Variants in STX12 observed in about 807,000 individuals in gnomAD.
The protein encoded by STX12 is syntaxin-12.
Under a neutral mutation model 42.2 loss-of-function variants are expected in STX12, and 17 were observed. That is an observed-to-expected ratio of 0.40 (90% CI 0.28 to 0.60). The LOEUF is 0.60. STX12 is among the 20% of genes least tolerant of loss of function. The pLI, the probability that STX12 is intolerant of heterozygous loss-of-function variation, is 0.39. For synonymous variants in STX12, 108 were observed against 116.7 expected (o/e 0.93, Z 0.48); for missense variants, 297 against 330.9 (o/e 0.90, Z 0.79).
At chr1:27,788,885 G>A (rs1329169862) in intron 1 of STX12, among the ~76,000 whole-genome samples, 9 of 152,030 alleles carry the variant, frequency 5.9e-5, no homozygotes, top group African/African-American at 1.9e-4. Context: ...GGTGGCAGGC[G>A]CCTGTAGTCC....
At chr1:27,791,597 C>T (rs376327445) in intron 2 of STX12, among the ~76,000 whole-genome samples, 11 of 152,244 alleles carry the variant, frequency 7.2e-5, no homozygotes, top group East Asian at 3.9e-4. Flanking sequence ...GGGTGGGTCA[C>T]GAGGTCAGGA....
chr1:27,809,071 C>T (rs902313161), intron 4 of STX12, among the ~76,000 whole-genome samples: 1 of 152,180 alleles, frequency 6.6e-6, no homozygotes, highest in Non-Finnish European at 1.5e-5. Flanking sequence ...CGCTGTGGCT[C>T]ACGCCTGTAA....
rs774011676 is a variant in STX12, at chr1:27,819,740, C to T, written c.732+8C>T. On this transcript the variant is annotated splice_region_variant and intron_variant, in intron 8 of 8. Coordinates refer to ENST00000373943, the MANE Select transcript of STX12 (RefSeq NM_177424.3). ...CGAGCTGCTTACTATCAGGTAAAAG[C>T]GGGTACCAAAGAAAGTCACTCTGTG... The T allele has an allele frequency of 5.0e-6, 8 of 1,612,352 alleles. No homozygotes were observed. Among genetic ancestry groups the T allele is most frequent in the African/African-American group, 1.3e-5 (1 of 74,976 alleles).
At chr1:27,778,308 C>T (rs2088641347) in intron 1 of STX12, among the ~76,000 whole-genome samples, 1 of 152,148 alleles carries the variant, frequency 6.6e-6, no homozygotes, top group East Asian at 1.9e-4. Flanking sequence ...ATTTGACTTA[C>T]TGTGGAACAA....
At chr1:27,804,076 A>G (rs576566805) in intron 4 of STX12, among the ~76,000 whole-genome samples, 1 of 152,314 alleles carries the variant, frequency 6.6e-6, no homozygotes, top group Non-Finnish European at 1.5e-5. Context: ...ACAACTCAAT[A>G]GAACAAAAGT....
intron 1 of STX12, among the ~76,000 whole-genome samples, chr1:27,780,916 G>A (rs937426810): frequency 5.9e-5 from 9 of 151,634 alleles, no homozygotes; most frequent in South Asian, 2.1e-4. Flanking sequence ...CCGAGATCAC[G>A]TCACTGCACT....
chr1:27,792,526 C>CT (rs202083899), intron 2 of STX12, among the ~76,000 whole-genome samples: 1 of 151,304 alleles, frequency 6.6e-6, no homozygotes, highest in African/African-American at 2.4e-5. Flanking sequence ...CTTTTGACTC[C>CT]TTTTTTTTAA....
intron 4 of STX12, among the ~76,000 whole-genome samples, chr1:27,809,543 C>T (rs2088889075): frequency 6.7e-6 from 1 of 150,122 alleles, no homozygotes; most frequent in Non-Finnish European, 1.5e-5. Flanking sequence ...TTACTGCAGC[C>T]TCCGCCTCCC....
At chr1:27,786,639 A>G (rs1053706212) in intron 1 of STX12, among the ~76,000 whole-genome samples, 1 of 152,182 alleles carries the variant, frequency 6.6e-6, no homozygotes, top group African/African-American at 2.4e-5. Context: ...AGTGTAGAGT[A>G]GATACTCTAC....
Position 27,812,228 on chromosome 1 carries a change from A to T in STX12, c.536A>T (p.Glu179Val). The T allele has an allele frequency of 6.4e-7, 1 of 1,560,624 alleles. No homozygotes were observed. The highest frequency in any genetic ancestry group is 8.7e-7 in the Non-Finnish European group (1 of 1,151,532). ...GTGGCCATCACTGAGCAGGATTTGGAACTTATTAAAGAAAGAGAAACGGCA... is the reference window on the plus strand; with the variant it reads ...GTGGCCATCACTGAGCAGGATTTGGTACTTATTAAAGAAAGAGAAACGGCA... ...DEVAITEQDLELIKERETAIR... is the reference protein window; with the variant it reads ...DEVAITEQDLVLIKERETAIR... Residue 179 changes from glutamate to valine, a missense_variant, in exon 6 of 9, where the codon GAA (glutamate) becomes GTA (valine). Coordinates refer to ENST00000373943, the MANE Select transcript of STX12 (RefSeq NM_177424.3).
chr1:27,786,244 GCCT>G (rs779252423), intron 1 of STX12, among the ~76,000 whole-genome samples: 1 of 152,080 alleles, frequency 6.6e-6, no homozygotes, highest in Non-Finnish European at 1.5e-5. Context: ...AGCCACCCTG[GCCT>G]CCATCACATC....
chr1:27,789,537 A>G (rs768523114), intron 1 of STX12, 25 bp from the exon 2 acceptor site: 1 of 1,594,210 alleles, frequency 6.3e-7, no homozygotes, highest in South Asian at 1.1e-5. Flanking sequence ...CTTTTAAATA[A>G]ATCTTTTTCT....
intron 1 of STX12, among the ~76,000 whole-genome samples, chr1:27,787,983 C>T (rs749402215): frequency 2.0e-5 from 3 of 152,144 alleles, no homozygotes; most frequent in Non-Finnish European, 4.4e-5. Flanking sequence ...CTGAACTAGT[C>T]ATTTAGCAGG....
At chr1:27,804,871 G>T (rs527512019) in intron 4 of STX12, among the ~76,000 whole-genome samples, 2 of 151,972 alleles carry the variant, frequency 1.3e-5, no homozygotes, top group Non-Finnish European at 2.9e-5. Context: ...AATTTATATT[G>T]AAGTATTTAA....
chr1:27,808,484 G>T (rs2088880019), intron 4 of STX12, among the ~76,000 whole-genome samples: 1 of 151,890 alleles, frequency 6.6e-6, no homozygotes, highest in Admixed American at 6.6e-5. Context: ...TGGGATTACA[G>T]GCACCCACCA....
At chr1:27,808,593 C>G (rs949459930) in intron 4 of STX12, among the ~76,000 whole-genome samples, 3 of 152,078 alleles carry the variant, frequency 2.0e-5, no homozygotes, top group Non-Finnish European at 4.4e-5. Context: ...CTGCCCACCT[C>G]GGCCTCTCAA....
rs901352582 is a variant in STX12, at chr1:27,793,636, G to T, written c.288+4G>T. 7 of 1,610,458 alleles carry T rather than the reference G, an allele frequency of 4.3e-6. No individual in the cohort carries two copies. Among genetic ancestry groups the T allele is most frequent in the Middle Eastern group, 3.3e-4 (2 of 6,056 alleles). ...TCCCTTATCTACTTCAGAACAGGTT[G>T]GTATTTTCTGTTTTGTTTATTAATA... is the stretch of plus-strand genomic sequence containing the variant. On this transcript the variant is annotated splice_donor_region_variant and intron_variant, in intron 3 of 8. Coordinates refer to ENST00000373943, the MANE Select transcript of STX12 (RefSeq NM_177424.3).
chr1:27,804,414 G>A (rs2088847138), intron 4 of STX12, among the ~76,000 whole-genome samples: 2 of 141,660 alleles, frequency 1.4e-5, no homozygotes, highest in South Asian at 4.3e-4. Flanking sequence ...CAAAAAGAGT[G>A]AAATTCCGTC....
chr1:27,778,673 G>A (rs79060930), intron 1 of STX12, among the ~76,000 whole-genome samples: 7,057 of 151,100 alleles, frequency 0.047, 388 homozygotes, highest in East Asian at 0.25. Context: ...CTCCAGCCTG[G>A]GCAACAGAGC....
Sources: allele counts gnomAD v4.1 joint callset (sites outside exome capture counted in the v4.1 genomes callset), GRCh38; gene constraint gnomAD v4.1.1; transcripts MANE v1.5; gene names NCBI Gene and HGNC (gene_info 2026-07-23, HGNC 2026-07-21).